Variants in GPC5 observed in about 807,000 individuals in gnomAD.
GPC5 encodes glypican 5.
In GPC5, 47 loss-of-function variants were observed where a neutral mutation model predicts 53.9. That is an observed-to-expected ratio of 0.87 (90% CI 0.69 to 1.11). The LOEUF (loss-of-function observed/expected upper bound fraction) is 1.11. Ranked by LOEUF, GPC5 falls within the 50% of genes most tolerant of loss-of-function variation. The pLI, the probability that GPC5 is intolerant of heterozygous loss-of-function variation, is 0.00. For missense variants in GPC5, 748 were observed against 713.1 expected (o/e 1.05, Z -0.56); for synonymous variants, 286 against 263.3 (o/e 1.09, Z -0.84).
At chr13:92,750,560 A>C (rs762605631) in intron 7 of GPC5, among the ~76,000 whole-genome samples, 3 of 152,212 alleles carry the variant, frequency 2.0e-5, no homozygotes, top group Non-Finnish European at 4.4e-5. Flanking sequence ...CTTCTAGTGT[A>C]CAGAAAAGGA....
chr13:92,726,281 G>A (rs551005735), intron 7 of GPC5, among the ~76,000 whole-genome samples: 1 of 151,608 alleles, frequency 6.6e-6, no homozygotes, highest in East Asian at 1.9e-4. Context: ...ATTAGATCTT[G>A]TTTACCATAC....
At chr13:92,291,171 C>G (rs537006554) in intron 7 of GPC5, among the ~76,000 whole-genome samples, 5 of 152,110 alleles carry the variant, frequency 3.3e-5, no homozygotes, top group South Asian at 2.1e-4. Context: ...CCCCGAGGAG[C>G]GCCACCCCCT....
chr13:92,389,404 G>A (rs1029530961), intron 7 of GPC5, among the ~76,000 whole-genome samples: 6 of 152,012 alleles, frequency 3.9e-5, no homozygotes, highest in Non-Finnish European at 2.9e-5. Context: ...GAGAGACTGG[G>A]GAGGCACACA....
chr13:92,109,880 G>A (rs1319394536), intron 6 of GPC5, among the ~76,000 whole-genome samples: 1 of 152,046 alleles, frequency 6.6e-6, no homozygotes, highest in Non-Finnish European at 1.5e-5. Context: ...CTTATACTAT[G>A]TTGTATATTA....
chr13:92,467,522 C>T (rs919108177), intron 7 of GPC5, among the ~76,000 whole-genome samples: 5 of 152,184 alleles, frequency 3.3e-5, no homozygotes, highest in African/African-American at 9.6e-5. Flanking sequence ...CACTGTTCTA[C>T]ACATTTTTGT....
chr13:92,744,767 G>A (rs911118162), intron 7 of GPC5, among the ~76,000 whole-genome samples: 1 of 151,962 alleles, frequency 6.6e-6, no homozygotes, highest in Non-Finnish European at 1.5e-5. Flanking sequence ...AAGAGAATAA[G>A]CCTAATTCTG....
At chr13:92,426,947 T>A (rs1311282314) in intron 7 of GPC5, among the ~76,000 whole-genome samples, 1 of 152,004 alleles carries the variant, frequency 6.6e-6, no homozygotes, top group Non-Finnish European at 1.5e-5. Flanking sequence ...AATTGAGCCA[T>A]CAGTTTCTAT....
chr13:92,758,035 A>G (rs1427705958), intron 7 of GPC5, among the ~76,000 whole-genome samples: 1 of 150,942 alleles, frequency 6.6e-6, no homozygotes, highest in African/African-American at 2.4e-5. Flanking sequence ...ATGCACACGT[A>G]TGTTTATTGT....
At chr13:91,680,566 A>G (rs1451867824) in intron 2 of GPC5, among the ~76,000 whole-genome samples, 5 of 152,234 alleles carry the variant, frequency 3.3e-5, no homozygotes, top group African/African-American at 7.2e-5. Context: ...TAAGAGAACC[A>G]TTCATAATAA....
At chr13:92,516,720 A>C (rs1343472900) in intron 7 of GPC5, among the ~76,000 whole-genome samples, 1 of 152,140 alleles carries the variant, frequency 6.6e-6, no homozygotes. Context: ...TGTGATCAAG[A>C]ACAGATTATT....
chr13:91,592,420 A>G (rs1256272355), intron 2 of GPC5, among the ~76,000 whole-genome samples: 1 of 152,074 alleles, frequency 6.6e-6, no homozygotes, highest in Non-Finnish European at 1.5e-5. Context: ...CTGTGCCTGC[A>G]TTTCTTTTGT....
chr13:92,322,054 G>A (rs7993023), intron 7 of GPC5, among the ~76,000 whole-genome samples: 12,941 of 152,018 alleles, frequency 0.085, 1,266 homozygotes, highest in African/African-American at 0.24. Context: ...TCTTAGAAGT[G>A]CAAAGAAAAT....
chr13:91,558,677 T>C (rs2031089757), intron 2 of GPC5, among the ~76,000 whole-genome samples: 1 of 152,076 alleles, frequency 6.6e-6, no homozygotes, highest in Admixed American at 6.6e-5. Context: ...TCTTTGGCAA[T>C]GCTTGAGGAC....
chr13:91,948,241 A>AT, intron 6 of GPC5, among the ~76,000 whole-genome samples: 1 of 147,954 alleles, frequency 6.8e-6, no homozygotes, highest in Non-Finnish European at 1.5e-5. Flanking sequence ...AAAAAAAAAA[A>AT]AATAAATAAT....
intron 3 of GPC5, among the ~76,000 whole-genome samples, chr13:91,698,649 TCTC>T (rs1475925073): frequency 2.6e-5 from 4 of 152,190 alleles, no homozygotes; most frequent in Admixed American, 2.6e-4. Flanking sequence ...ATTCTCAAAA[TCTC>T]AGTCTCCAAA....
Position 91,445,844 on chromosome 13 carries a change from G to A in GPC5, c.164-2917G>A, listed in dbSNP as rs1208662665. Among the ~76,000 whole-genome samples the A allele has an allele frequency of 3.3e-5, 5 of 152,126 alleles. No individual in the cohort carries two copies. The East Asian group carries it at 7.7e-4, about 23-fold the overall frequency. ...TTTCAGACTGTGACTGTGGGGAACTGGAAGCATAGAAAGTGGAACCATGGT... is the reference window on the plus strand; with the variant it reads ...TTTCAGACTGTGACTGTGGGGAACTAGAAGCATAGAAAGTGGAACCATGGT... On this transcript the variant is annotated intron_variant, in intron 1 of 7. Coordinates refer to ENST00000377067, the MANE Select transcript of GPC5 (RefSeq NM_004466.6).
chr13:92,273,411 G>T (rs1382249812), intron 7 of GPC5, among the ~76,000 whole-genome samples: 3 of 151,988 alleles, frequency 2.0e-5, no homozygotes, highest in South Asian at 2.1e-4. Context: ...TTTCACATTT[G>T]TAAACAGGGA....
intron 6 of GPC5, among the ~76,000 whole-genome samples, chr13:91,925,757 A>G (rs2039761062): frequency 6.6e-6 from 1 of 152,174 alleles, no homozygotes; most frequent in Non-Finnish European, 1.5e-5. Flanking sequence ...CTATAATAAA[A>G]AGGAAAAAGA....
intron 7 of GPC5, among the ~76,000 whole-genome samples, chr13:92,846,419 A>G (rs1258931516): frequency 2.0e-5 from 3 of 152,200 alleles, no homozygotes; most frequent in Admixed American, 1.3e-4. Flanking sequence ...AGTAAAGTAT[A>G]GATTTTGTTT....
Sources: gnomAD v4.1 joint callset for allele counts (sites outside exome capture counted in the v4.1 genomes callset) on GRCh38, gnomAD v4.1.1 for gene constraint, MANE v1.5 for transcripts, NCBI Gene and HGNC (gene_info 2026-07-23, HGNC 2026-07-21) for gene names.